TRIM5: variants seen among roughly 807,000 people sequenced by gnomAD.
The protein encoded by TRIM5 is tripartite motif-containing protein 5.
In TRIM5, 31 loss-of-function variants were observed where a neutral mutation model predicts 35.6. That is an observed-to-expected ratio of 0.87 (90% CI 0.65 to 1.18). TRIM5 has a LOEUF of 1.18. Among genes scored for constraint, TRIM5 ranks in the 50% most tolerant of loss-of-function variants. The probability of loss-of-function intolerance (pLI) is 0.00; values close to 1 mark genes in which losing one functional copy is unlikely to be tolerated. For missense variants in TRIM5, 609 were observed against 591.6 expected (o/e 1.03, Z -0.31); for synonymous variants, 243 against 215.6 (o/e 1.13, Z -1.11).
At chr11:5,645,750 T>C in the TRIM5 span, 1 of 213,154 alleles carries the variant, frequency 4.7e-6, no homozygotes, top group Non-Finnish European at 9.1e-6. Context: ...AGGAAAAGCT[T>C]CACTTTTGCT....
At chr11:5,671,858 AT>A (rs1158790875) in intron 4 of TRIM5, among the ~76,000 whole-genome samples, 1 of 152,134 alleles carries the variant, frequency 6.6e-6, no homozygotes, top group Non-Finnish European at 1.5e-5. Context: ...TTTCATCTAT[AT>A]TAATATCTAA....
the TRIM5 span, chr11:5,634,530 C>CAT: frequency 9.1e-3 from 2,334 of 256,616 alleles, 4 homozygotes; most frequent in South Asian, 0.014. Context: ...CACACACACA[C>CAT]ATATATATAT....
chr11:5,645,742 G>T, the TRIM5 span: 1 of 205,782 alleles, frequency 4.9e-6, no homozygotes, highest in East Asian at 1.1e-4. Flanking sequence ...TCAAGTCTAG[G>T]AAAAGCTTCA....
At chr11:5,654,919 G>C in the TRIM5 span, among the ~76,000 whole-genome samples, 1 of 152,070 alleles carries the variant, frequency 6.6e-6, no homozygotes, top group Non-Finnish European at 1.5e-5. Flanking sequence ...GGCCGGGCAC[G>C]GTAGCTCCTG....
chr11:5,678,213 C>T lies in TRIM5; in HGVS notation c.735G>A (p.Glu245=). Residue 245 remains glutamate (E), a synonymous_variant, in exon 4 of 8, where the codon GAG becomes GAA. Coordinates refer to ENST00000380034, the MANE Select transcript of TRIM5 (RefSeq NM_033034.3). The part of the protein sequence containing the change: ...LEHRLQGSVM[E]LLQGVDGVIK... ...TCTTTCCACTTTTTACCTGAAGCAGCTCCATCACTGACCCCTGCAGCCGAT... is the reference window on the plus strand; with the variant it reads ...TCTTTCCACTTTTTACCTGAAGCAGTTCCATCACTGACCCCTGCAGCCGAT... The T allele has an allele frequency of 6.2e-7, 1 of 1,609,276 alleles. No individual in the cohort carries two copies. The highest frequency in any genetic ancestry group is 1.3e-5 in the African/African-American group (1 of 74,910).
At chr11:5,662,360 C>T (rs890953096), downstream of TRIM5, among the ~76,000 whole-genome samples, 5 of 152,180 alleles carry the variant, frequency 3.3e-5, no homozygotes, top group African/African-American at 1.2e-4. Context: ...CCTTCATAAA[C>T]ATCCGTTGCA....
At chr11:5,596,681 GGTC>G in the TRIM5 span, 10 of 666,826 alleles carry the variant, frequency 1.5e-5, no homozygotes. Context: ...CTGACCTGTG[GGTC>G]CGTCCGTTCA....
At chr11:5,657,502 T>G in the TRIM5 span, among the ~76,000 whole-genome samples, 1 of 139,136 alleles carries the variant, frequency 7.2e-6, no homozygotes, top group African/African-American at 2.7e-5. Flanking sequence ...TATATATATT[T>G]ATATATTATA....
chr11:5,666,208 G>A, intron 5 of TRIM5, 127 bp from the exon 6 acceptor site: 1 of 801,206 alleles, frequency 1.2e-6, no homozygotes, highest in Non-Finnish European at 2.0e-6. Flanking sequence ...CCTGAGAAGG[G>A]AGAGTGCAAA....
the TRIM5 span, chr11:5,642,720 G>A: frequency 1.3e-6 from 2 of 1,532,698 alleles, no homozygotes; most frequent in South Asian, 1.2e-5. Flanking sequence ...CAGCTTCATG[G>A]TATTCCCTTC....
chr11:5,629,093 A>G, the TRIM5 span, among the ~76,000 whole-genome samples: 5 of 152,146 alleles, frequency 3.3e-5, no homozygotes, highest in East Asian at 9.6e-4. Context: ...CATGGCCAAC[A>G]TGGTGAAACC....
At chr11:5,663,172 C>G (rs1976339), downstream of TRIM5, 66,504 of 867,682 alleles carry the variant, frequency 0.077, 4,480 homozygotes, top group East Asian at 0.43. Context: ...AAGCCCAACA[C>G]CATAATGGAT....
downstream of TRIM5, among the ~76,000 whole-genome samples, chr11:5,662,522 C>A (rs929742991): frequency 6.6e-6 from 1 of 152,190 alleles, no homozygotes; most frequent in Admixed American, 6.5e-5. Flanking sequence ...ACATGTACTT[C>A]TGACTTTATC....
chr11:5,645,884 T>A, the TRIM5 span: 2,633 of 150,680 alleles, frequency 0.017, 50 homozygotes, highest in East Asian at 0.07. Context: ...AAAAAAAATA[T>A]ATATATATAT....
chr11:5,607,158 C>A, the TRIM5 span, among the ~76,000 whole-genome samples: 1 of 151,942 alleles, frequency 6.6e-6, no homozygotes, highest in African/African-American at 2.4e-5. Context: ...GAGCCGAGAT[C>A]GCACCACTGC....
chr11:5,642,958 T>A, the TRIM5 span: 1 of 1,465,232 alleles, frequency 6.8e-7, no homozygotes, highest in Non-Finnish European at 9.2e-7. Context: ...CCCAAAACAT[T>A]TGCTAAATAC....
chr11:5,627,044 T>C, the TRIM5 span, among the ~76,000 whole-genome samples: 1 of 152,226 alleles, frequency 6.6e-6, no homozygotes, highest in South Asian at 2.1e-4. Flanking sequence ...GTGATCACTC[T>C]GTCTACTGAT....
the TRIM5 span, among the ~76,000 whole-genome samples, chr11:5,642,018 C>T: frequency 6.6e-6 from 1 of 152,130 alleles, no homozygotes; most frequent in East Asian, 1.9e-4. Context: ...ATCTCTGGCC[C>T]CTCCCAGAAG....
intron 6 of TRIM5, 116 bp from the exon 7 acceptor site, chr11:5,665,798 C>T: frequency 2.8e-6 from 4 of 1,428,668 alleles, no homozygotes; most frequent in Non-Finnish European, 3.7e-6. Context: ...CAGTAAATTG[C>T]TGAATGATGA....
Sources: gnomAD v4.1 joint callset for allele counts (sites outside exome capture counted in the v4.1 genomes callset) on GRCh38, gnomAD v4.1.1 for gene constraint, MANE v1.5 for transcripts, NCBI Gene and HGNC (gene_info 2026-07-23, HGNC 2026-07-21) for gene names.